The following TRDN variants were observed in gnomAD, a reference collection of about 807,000 sequenced individuals.
TRDN encodes the protein triadin, also known as triadin in skeletal muscle.
A neutral mutation model predicts 149.7 loss-of-function variants in TRDN; 161 were observed. The observed-to-expected ratio is 1.08, with a 90% CI of 0.95 to 1.23. The LOEUF (loss-of-function observed/expected upper bound fraction) is 1.23. Among genes scored for constraint, TRDN ranks in the 50% most tolerant of loss-of-function variants. The pLI is 0.00. For missense variants in TRDN, 896 were observed against 823.5 expected, an observed-to-expected ratio of 1.09 and a Z score of -1.08; for synonymous variants, 294 against 250.5, an observed-to-expected ratio of 1.17 and a Z score of -1.64.
chr6:123,406,881 C>A (rs1773213046), intron 12 of TRDN, among the ~76,000 whole-genome samples: 1 of 152,130 alleles, frequency 6.6e-6, no homozygotes, highest in Non-Finnish European at 1.5e-5. Context: ...TCTGTGCTCT[C>A]CCCTTGCTCC....
At chr6:123,517,840 G>A (rs535001659) in intron 5 of TRDN, among the ~76,000 whole-genome samples, 1 of 151,784 alleles carries the variant, frequency 6.6e-6, no homozygotes, top group Non-Finnish European at 1.5e-5. Flanking sequence ...TTCACCAATT[G>A]CACCATGTAC....
Sources: allele counts gnomAD v4.1 joint callset (sites outside exome capture counted in the v4.1 genomes callset), GRCh38; gene constraint gnomAD v4.1.1; transcripts MANE v1.5; gene names NCBI Gene and HGNC (gene_info 2026-07-23, HGNC 2026-07-21).